C8B: variants seen among roughly 807,000 people sequenced by gnomAD.
The protein encoded by C8B is complement C8 beta chain, also known as complement component C8 beta chain.
A neutral mutation model predicts 64.6 loss-of-function variants in C8B; 67 were observed. The observed-to-expected ratio is 1.04, with a 90% CI of 0.85 to 1.27. C8B has a LOEUF of 1.27. Ranked by LOEUF, C8B falls within the 50% of genes most tolerant of loss-of-function variation. C8B has a pLI of 0.00. For missense variants in C8B, 790 were observed against 725.2 expected, an observed-to-expected ratio of 1.09 and a Z score of -1.03; for synonymous variants, 284 against 257.7, an observed-to-expected ratio of 1.10 and a Z score of -0.98.
At chr1:56,955,379 T>G (rs1156798378) in intron 3 of C8B, among the ~76,000 whole-genome samples, 1 of 152,222 alleles carries the variant, frequency 6.6e-6, no homozygotes, top group Non-Finnish European at 1.5e-5. Context: ...TTCTTCCCAC[T>G]AAACCACACT....
chr1:56,949,768 G>T lies in C8B; in HGVS notation c.667-16C>A, dbSNP rs1329646622. 4 of 1,581,146 alleles carry T rather than the reference G, an allele frequency of 2.5e-6. No homozygotes were observed. Among genetic ancestry groups the T allele is most frequent in the Admixed American group, 1.7e-5 (1 of 59,374 alleles). On this transcript the variant is annotated splice_polypyrimidine_tract_variant and intron_variant, in intron 5 of 11. Coordinates refer to ENST00000371237, the MANE Select transcript of C8B (RefSeq NM_000066.4). ...TGCCTTGGGTCTAAAGAAGAAAAAA[G>T]AAAGGGTTTTTTATTTCATTTGACT...
In C8B at chr1:56,956,799, G is replaced by A. The variant is rs150022116; in HGVS notation, c.361C>T (p.Arg121Ter). The A allele has an allele frequency of 9.3e-5, 150 of 1,613,906 alleles. No individual in the cohort carries two copies. In the Middle Eastern group the frequency reaches 9.9e-4, roughly 11 times the overall value. ...TGTGCACACACAAAGCCTTCACATC[G>A]CACTTGACTTCCGCATGGTCTGTTG... ...VTNRPCGSQV[R>*]CEGFVCAQTG... The change falls in exon 3 of 12, where the codon CGA (arginine) becomes TGA (stop). Residue 121 changes from arginine to a stop codon, truncating the protein, a stop_gained. Transcript: ENST00000371237. LOFTEE classifies it high-confidence loss of function.
At chr1:56,929,652 G>A in intron 11 of C8B, 94 bp from the exon 12 acceptor site, 1 of 1,228,534 alleles carries the variant, frequency 8.1e-7, no homozygotes, top group Non-Finnish European at 1.2e-6. Flanking sequence ...AAAAGGCTTT[G>A]GGAGTCTGAA....
At chr1:56,949,810 C>A in intron 5 of C8B, 58 bp from the exon 6 acceptor site, 1 of 1,212,926 alleles carries the variant, frequency 8.2e-7, no homozygotes, top group Middle Eastern at 1.9e-4. Flanking sequence ...AGTTCAATAC[C>A]AGTGAGCAGA....
intron 4 of C8B, among the ~76,000 whole-genome samples, chr1:56,952,639 G>C (rs1023897719): frequency 1.3e-5 from 2 of 152,150 alleles, no homozygotes; most frequent in African/African-American, 4.8e-5. Context: ...GTTGCCTTGC[G>C]AGAGTTGGGT....
In C8B at chr1:56,943,706, A is replaced by C. The variant is rs764583022; in HGVS notation, c.1224T>G (p.Asn408Lys). 1 of 1,614,088 alleles carries C rather than the reference A, an allele frequency of 6.2e-7. No homozygotes were observed. The highest frequency in any genetic ancestry group is 1.3e-5 in the African/African-American group (1 of 75,048). The change falls in exon 8 of 12, where the codon AAT (asparagine) becomes AAG (lysine). Residue 408 changes from asparagine to lysine, a missense_variant. Transcript: ENST00000371237. ...GCCCCTGTCACTCACCTTTTATTTC[A>C]TTCAGAATACCTCTGCATTTGCCTA... ...VSVGKCRGIL[N>K]EIKDRNKRDT...
Position 56,929,450 on chromosome 1 carries a change from C to T in C8B, c.1730G>A (p.Gly577Asp). The change falls in exon 12 of 12, where the codon GGT (glycine) becomes GAT (aspartate). Residue 577 changes from glycine (G) to aspartate (D), a missense_variant. Coordinates refer to ENST00000371237, the MANE Select transcript of C8B (RefSeq NM_000066.4). ...QCNNPPPQNG[G>D]SPCSGPASET... ...TGAAGCAGGGCCTGAACAGGGGCTA[C>T]CCCCATTTTGAGGAGGTGGATTGTT... 2 of 1,612,726 alleles carry T rather than the reference C, an allele frequency of 1.2e-6. No individual in the cohort carries two copies. Among genetic ancestry groups the T allele is most frequent in the Non-Finnish European group, 1.7e-6 (2 of 1,179,900 alleles).
At chr1:56,949,527 C>T (rs706481) in intron 6 of C8B, 28 bp downstream of exon 6, 85,909 of 1,578,104 alleles carry the variant, frequency 0.054, 3,006 homozygotes, top group African/African-American at 0.16. Context: ...ACAACATATA[C>T]GTTTAAAAGC....
intron 9 of C8B, among the ~76,000 whole-genome samples, chr1:56,939,630 A>C (rs1644821819): frequency 6.6e-6 from 1 of 152,218 alleles, no homozygotes; most frequent in Admixed American, 6.5e-5. Flanking sequence ...ACCATTGCTG[A>C]CGTGTATGAC....
intron 5 of C8B, among the ~76,000 whole-genome samples, chr1:56,950,945 A>G (rs910725970): frequency 6.6e-6 from 1 of 152,116 alleles, no homozygotes; most frequent in Non-Finnish European, 1.5e-5. Context: ...TTGAAATTAG[A>G]GGTTTTGAGG....
chr1:56,959,581 C>T (rs1339257812), intron 2 of C8B: 14 of 1,535,292 alleles, frequency 9.1e-6, no homozygotes, highest in African/African-American at 4.1e-5. Flanking sequence ...CAGAGTCATA[C>T]AAGTGTCCAT....
At chr1:56,955,670 A>T (rs1339777693) in intron 3 of C8B, among the ~76,000 whole-genome samples, 1 of 152,244 alleles carries the variant, frequency 6.6e-6, no homozygotes, top group Non-Finnish European at 1.5e-5. Flanking sequence ...TTTCATCAGA[A>T]TCATGGAACA....
intron 1 of C8B, among the ~76,000 whole-genome samples, chr1:56,960,499 G>C (rs1055384065): frequency 6.6e-6 from 1 of 152,232 alleles, no homozygotes; most frequent in Non-Finnish European, 1.5e-5. Context: ...TCACGCCCTA[G>C]CTCTATGGGA....
intron 6 of C8B, among the ~76,000 whole-genome samples, chr1:56,947,092 C>T (rs1236107058): frequency 2.0e-5 from 3 of 152,174 alleles, no homozygotes; most frequent in Non-Finnish European, 1.5e-5. Context: ...ATTATAAAAG[C>T]CTCCTCCCTA....
In C8B at chr1:56,954,838, G is replaced by A. The variant is rs755213084; in HGVS notation, c.392-11C>T. The A allele has an allele frequency of 1.2e-6, 2 of 1,614,116 alleles. No homozygotes were observed. Among genetic ancestry groups the A allele is most frequent in the South Asian group, 2.2e-5 (2 of 91,084 alleles). On this transcript the variant is annotated splice_polypyrimidine_tract_variant and intron_variant, in intron 3 of 11. Coordinates refer to ENST00000371237, the MANE Select transcript of C8B (RefSeq NM_000066.4). Reference sequence around the variant, plus strand: ...GGTTTACACACCTTCCTAGAATGGAGAAAGAGTATTACCCACAGCCACATG... The same window carrying A: ...GGTTTACACACCTTCCTAGAATGGAAAAAGAGTATTACCCACAGCCACATG...
At chr1:56,956,574 T>C (rs1476712541) in intron 3 of C8B, among the ~76,000 whole-genome samples, 195 bp downstream of exon 3, 2 of 152,180 alleles carry the variant, frequency 1.3e-5, no homozygotes, top group Admixed American at 6.5e-5. Context: ...ATGAGGATAA[T>C]AATAACACCT....
rs370394118 is a variant in C8B at position 56,952,020 on chromosome 1, C to T, written c.666+28G>A. 6.6e-4 allele frequency: 1,060 copies of T among 1,613,016 alleles called. 1 individual carries two copies. Among genetic ancestry groups the T allele is most frequent in the Non-Finnish European group, 8.4e-4 (995 of 1,179,950 alleles). On this transcript the variant is annotated intron_variant, in intron 5 of 11. Coordinates refer to ENST00000371237, the MANE Select transcript of C8B (RefSeq NM_000066.4). ...CTAACTGGGTGCTCAGCTGGGGCTC[C>T]CTCCACTGCTACCTGGCTGTCTCTT...
rs189315013 is a variant in C8B at position 56,964,433 on chromosome 1, T to C, written c.92+1424A>G. Among the ~76,000 whole-genome samples, 2 of 152,294 alleles carry C rather than the reference T, an allele frequency of 1.3e-5. 1 individual carries two copies. Among genetic ancestry groups the C allele is most frequent in the Admixed American group, 1.3e-4 (2 of 15,300 alleles). ...TCCCTCTCAACTTCCTGCCGGGACCTGTGTTCAAGGCCCACTGAGGTGTCT... is the reference window on the plus strand; with the variant it reads ...TCCCTCTCAACTTCCTGCCGGGACCCGTGTTCAAGGCCCACTGAGGTGTCT... On this transcript the variant is annotated intron_variant, in intron 1 of 11. Coordinates refer to ENST00000371237, the MANE Select transcript of C8B (RefSeq NM_000066.4).
At chr1:56,951,960 G>GGGATGTGTCCGAGGTCACACA in intron 5 of C8B, 88 bp downstream of exon 5, 1 of 1,359,752 alleles carries the variant, frequency 7.4e-7, no homozygotes, top group South Asian at 1.2e-5. Context: ...AAGAGAAAAG[G>GGGATGTGTCCGAGGTCACACA]GCTAGCAGGC....
Sources: allele counts gnomAD v4.1 joint callset (sites outside exome capture counted in the v4.1 genomes callset), GRCh38; gene constraint gnomAD v4.1.1; transcripts MANE v1.5; gene names NCBI Gene and HGNC (gene_info 2026-07-23, HGNC 2026-07-21).